Variants in PPP4R3A observed in about 807,000 individuals in gnomAD.
PPP4R3A encodes serine/threonine-protein phosphatase 4 regulatory subunit 3A.
In PPP4R3A, 15 loss-of-function variants were observed where a neutral mutation model predicts 91.7. The observed-to-expected ratio is 0.16, with a 90% CI of 0.11 to 0.25. PPP4R3A has a LOEUF of 0.25. Ranked by LOEUF, PPP4R3A falls within the 10% of genes least tolerant of loss-of-function variation. The pLI is 1.00. For missense variants in PPP4R3A, 623 were observed against 998.4 expected (o/e 0.62, Z 5.07); for synonymous variants, 377 against 348.7 (o/e 1.08, Z -0.91).
At chr14:91,466,980 A>G (rs1448284450) in intron 10 of PPP4R3A, among the ~76,000 whole-genome samples, 1 of 83,526 alleles carries the variant, frequency 1.2e-5, no homozygotes, top group East Asian at 4.4e-4. Flanking sequence ...TTGTCTGACT[A>G]TAGTTCCTAG....
intron 1 of PPP4R3A, among the ~76,000 whole-genome samples, chr14:91,493,643 T>A (rs201211979): frequency 2.0e-5 from 3 of 150,122 alleles, no homozygotes; most frequent in Non-Finnish European, 2.9e-5. Flanking sequence ...ATATAAAATT[T>A]AAAAAAGGTA....
At chr14:91,473,969 A>G (rs1236193978) in intron 7 of PPP4R3A, among the ~76,000 whole-genome samples, 1 of 152,034 alleles carries the variant, frequency 6.6e-6, no homozygotes, top group Non-Finnish European at 1.5e-5. Flanking sequence ...GGGTTTCTCC[A>G]TGATCGTCAG....
chr14:91,498,938 G>GTT (rs1890766140), intron 1 of PPP4R3A, among the ~76,000 whole-genome samples: 1 of 129,270 alleles, frequency 7.7e-6, no homozygotes, highest in African/African-American at 2.9e-5. Flanking sequence ...AAAAAAAGAA[G>GTT]CCTGGCTAAT....
At position 91,461,483 on chromosome 14, in the gene PPP4R3A, T is replaced by G. The variant is rs1165404926; in HGVS notation, c.2289A>C (p.Thr763=). The change falls in exon 14 of 15, where the codon ACA becomes ACC. Residue 763 remains threonine (T), a synonymous_variant. Transcript: ENST00000554943. Reference sequence around the variant, plus strand: ...GTGATCCCGGAGAACCAGGCAGATTTGTTGTAGATGACTGGCTGGTGAGGT... The same window carrying G: ...GTGATCCCGGAGAACCAGGCAGATTGGTTGTAGATGACTGGCTGGTGAGGT... ...KTNLTSQSST[T]NLPGSPGSPG... The G allele has an allele frequency of 1.9e-6, 3 of 1,614,184 alleles. No homozygotes were observed. The highest frequency in any genetic ancestry group is 2.5e-6 in the Non-Finnish European group (3 of 1,180,044).
Position 91,487,977 on chromosome 14 carries a change from C to G in PPP4R3A, c.199-2247G>C, listed in dbSNP as rs190235609. Among the ~76,000 whole-genome samples, 11 of 152,296 alleles carry G rather than the reference C, an allele frequency of 7.2e-5. No homozygotes were observed. The East Asian group carries it at 1.9e-3, about 27-fold the overall frequency. Reference sequence around the variant, plus strand: ...GTGCTAGAATTATAGGCGTGAGCCACCAACCCCAGCCAAGAACACTTCTTA... The same window carrying G: ...GTGCTAGAATTATAGGCGTGAGCCAGCAACCCCAGCCAAGAACACTTCTTA... On this transcript the variant is annotated intron_variant, in intron 2 of 14. Coordinates refer to ENST00000554943, the MANE Select transcript of PPP4R3A (RefSeq NM_001366432.2).
In PPP4R3A at chr14:91,458,797, T is replaced by C; in HGVS notation, c.2464A>G (p.Thr822Ala). The C allele has an allele frequency of 6.2e-7, 1 of 1,614,156 alleles. No homozygotes were observed. The highest frequency in any genetic ancestry group is 2.2e-5 in the East Asian group (1 of 44,882). ...TTTGCTTTCTTTGACAATGGTAACG[T>C]ATCTTCCTTATCTTCATCCTCATCA... The part of the protein sequence containing the change: ...DDDEDEDKED[T>A]LPLSKKAKFD... The change falls in exon 15 of 15, where the codon ACG (threonine) becomes GCG (alanine). Residue 822 changes from threonine to alanine, a missense_variant. Transcript: ENST00000554943.
chr14:91,487,249 CAAAAAAA>C (rs35970764), intron 2 of PPP4R3A, among the ~76,000 whole-genome samples: 4 of 80,244 alleles, frequency 5.0e-5, no homozygotes, highest in Admixed American at 1.6e-4. Context: ...GAGTCCGTCT[CAAAAAAA>C]AAAAAAAAAA....
intron 10 of PPP4R3A, among the ~76,000 whole-genome samples, chr14:91,465,792 T>C (rs1888440117): frequency 6.6e-6 from 1 of 152,206 alleles, no homozygotes; most frequent in Admixed American, 6.5e-5. Context: ...TCCACCTTAA[T>C]AGAAAAAACC....
At chr14:91,505,468 C>T (rs1891240990) in intron 1 of PPP4R3A, among the ~76,000 whole-genome samples, 2 of 151,274 alleles carry the variant, frequency 1.3e-5, no homozygotes, top group African/African-American at 4.9e-5. Flanking sequence ...AAACACACAC[C>T]ATTTATTTCA....
intron 10 of PPP4R3A, among the ~76,000 whole-genome samples, chr14:91,470,288 G>A (rs182679924): frequency 4.5e-4 from 68 of 152,182 alleles, no homozygotes; most frequent in African/African-American, 1.4e-3. Flanking sequence ...TAACAAACTC[G>A]GGTCTTAAGA....
Position 91,507,342 on chromosome 14 carries a change from T to TATATATACTATATAG in PPP4R3A, c.142+2163_142+2164insCTATATAGTATATAT, listed in dbSNP as rs1481331376. ...ATCTCAAAAAAAAAATCTATACATA[T>TATATATACTATATAG]TATATATACTATATAGTATATATAC... On this transcript the variant is annotated intron_variant, in intron 1 of 14. Transcript: ENST00000554943. 1.4e-3 allele frequency among the ~76,000 whole-genome samples: 154 copies of TATATATACTATATAG among 111,626 alleles called. 2 individuals are homozygous for TATATATACTATATAG. Among genetic ancestry groups the TATATATACTATATAG allele is most frequent in the African/African-American group, 2.4e-3 (58 of 23,702 alleles). The allele number at this position is 111,626 out of a possible 152,430, so 73.2% of individuals were successfully genotyped here.
intron 1 of PPP4R3A, among the ~76,000 whole-genome samples, chr14:91,502,090 A>G (rs1035955577): frequency 6.6e-6 from 1 of 151,988 alleles, no homozygotes; most frequent in African/African-American, 2.4e-5. Context: ...ACTTTTCGGA[A>G]AAAAATTTAA....
intron 14 of PPP4R3A, among the ~76,000 whole-genome samples, chr14:91,460,283 GA>G (rs1888047209): frequency 6.6e-6 from 1 of 152,118 alleles, no homozygotes; most frequent in South Asian, 2.1e-4. Flanking sequence ...AAAGCACTGG[GA>G]TTACGGGCGT....
At chr14:91,507,448 AT>A (rs1339180245) in intron 1 of PPP4R3A, among the ~76,000 whole-genome samples, 1 of 133,514 alleles carries the variant, frequency 7.5e-6, no homozygotes, top group African/African-American at 3.0e-5. Context: ...TATATACTAT[AT>A]AGTATATATA....
At chr14:91,488,385 G>T (rs1293458427) in intron 2 of PPP4R3A, among the ~76,000 whole-genome samples, 1 of 152,084 alleles carries the variant, frequency 6.6e-6, no homozygotes, top group African/African-American at 2.4e-5. Flanking sequence ...TTTTTATTCA[G>T]AATTTTGGAA....
intron 1 of PPP4R3A, among the ~76,000 whole-genome samples, chr14:91,497,100 G>A (rs1331124900): frequency 6.6e-6 from 1 of 152,134 alleles, no homozygotes; most frequent in Non-Finnish European, 1.5e-5. Context: ...AAATAACATG[G>A]TAGCAGAGAT....
At chr14:91,460,835 G>A (rs182405041) in intron 14 of PPP4R3A, among the ~76,000 whole-genome samples, 3 of 152,084 alleles carry the variant, frequency 2.0e-5, no homozygotes, top group South Asian at 2.1e-4. Context: ...TAGCCAGGAC[G>A]GTCTCGATCT....
At chr14:91,470,750 A>C (rs188017066) in intron 10 of PPP4R3A, 87 bp downstream of exon 10, 2 of 1,454,056 alleles carry the variant, frequency 1.4e-6, no homozygotes, top group African/African-American at 1.4e-5. Context: ...CCTGACCTGT[A>C]ATCAGTGGTC....
chr14:91,505,650 G>GAAAAT (rs1891250028), intron 1 of PPP4R3A, among the ~76,000 whole-genome samples: 1 of 152,066 alleles, frequency 6.6e-6, no homozygotes, highest in South Asian at 2.1e-4. Flanking sequence ...GAAATAATCT[G>GAAAAT]AAAATCAAAA....
Sources: gnomAD v4.1 joint callset for allele counts (sites outside exome capture counted in the v4.1 genomes callset) on GRCh38, gnomAD v4.1.1 for gene constraint, MANE v1.5 for transcripts, NCBI Gene and HGNC (gene_info 2026-07-23, HGNC 2026-07-21) for gene names.